The following CSMD1 variants were observed in gnomAD, a reference collection of about 807,000 sequenced individuals.
CSMD1 encodes CUB and Sushi multiple domains 1.
CSMD1 carries 213 observed loss-of-function variants against 417.5 expected under a neutral mutation model. That is an observed-to-expected ratio of 0.51 (90% CI 0.46 to 0.57). The LOEUF is 0.57. CSMD1 is among the 20% of genes least tolerant of loss of function. The probability of loss-of-function intolerance (pLI) is 0.00; values close to 1 mark genes in which losing one functional copy is unlikely to be tolerated. For missense variants in CSMD1, 6,923 were observed against 4,529.7 expected (o/e 1.53, Z -15.17); for synonymous variants, 2,862 against 1,736.8 (o/e 1.65, Z -16.11).
At chr8:3,781,478 G>T (rs1035284879) in intron 5 of CSMD1, among the ~76,000 whole-genome samples, 7 of 146,328 alleles carry the variant, frequency 4.8e-5, no homozygotes, top group African/African-American at 8.0e-5. Context: ...GCTGCTGATA[G>T]TTGCACCACG....
intron 50 of CSMD1, among the ~76,000 whole-genome samples, chr8:3,047,910 C>T (rs530126100): frequency 2.6e-5 from 4 of 152,250 alleles, no homozygotes; most frequent in Admixed American, 1.3e-4. Flanking sequence ...CTGTTTATGC[C>T]GTGAAGGCAT....
intron 5 of CSMD1, among the ~76,000 whole-genome samples, chr8:3,839,539 T>A (rs1014821726): frequency 2.3e-5 from 3 of 127,860 alleles, no homozygotes; most frequent in Non-Finnish European, 4.8e-5. Context: ...GTTAAGATTT[T>A]ATATATTATA....
chr8:4,200,533 A>G (rs964348154), intron 3 of CSMD1, among the ~76,000 whole-genome samples: 2 of 152,184 alleles, frequency 1.3e-5, no homozygotes, highest in African/African-American at 2.4e-5. Flanking sequence ...ATGTATATTA[A>G]TATAAATGCC....
chr8:3,017,740 G>A (rs1326693635), intron 52 of CSMD1, among the ~76,000 whole-genome samples: 1 of 141,542 alleles, frequency 7.1e-6, no homozygotes, highest in Non-Finnish European at 1.5e-5. Context: ...CTTAGTTCCT[G>A]AAGTGATCTT....
intron 7 of CSMD1, among the ~76,000 whole-genome samples, chr8:3,628,389 C>G (rs1796598271): frequency 1.3e-5 from 2 of 152,200 alleles, no homozygotes; most frequent in African/African-American, 4.8e-5. Flanking sequence ...GAGCACAGGC[C>G]CGTAGTCATG....
chr8:3,358,191 C>G (rs1432609399), intron 21 of CSMD1, among the ~76,000 whole-genome samples: 2 of 152,172 alleles, frequency 1.3e-5, no homozygotes, highest in Admixed American at 1.3e-4. Context: ...AGTTCGTTAA[C>G]TGGTGAAATT....
chr8:3,173,270 A>G (rs1455458209), intron 37 of CSMD1, among the ~76,000 whole-genome samples: 2 of 152,148 alleles, frequency 1.3e-5, no homozygotes, highest in Non-Finnish European at 2.9e-5. Flanking sequence ...GAATGCCTAA[A>G]GTAATATTGT....
At chr8:4,748,372 C>A (rs1406233035) in intron 1 of CSMD1, among the ~76,000 whole-genome samples, 1 of 152,162 alleles carries the variant, frequency 6.6e-6, no homozygotes, top group Non-Finnish European at 1.5e-5. Flanking sequence ...TGGTTTTCTG[C>A]TCCTTTGAAT....
At chr8:4,822,227 T>C (rs147096418) in intron 1 of CSMD1, among the ~76,000 whole-genome samples, 1 of 152,118 alleles carries the variant, frequency 6.6e-6, no homozygotes, top group African/African-American at 2.4e-5. Context: ...GGTTTGCAAC[T>C]TACTTTCACC....
chr8:4,906,915 G>A lies in CSMD1; in HGVS notation c.85+87417C>T, dbSNP rs191805853. ...CACAATGTGAGTAAATGTGGAAACT[G>A]ACTATATTAGTAGGTATTTTCCTAT... is the stretch of plus-strand genomic sequence containing the variant. On this transcript the variant is annotated intron_variant, in intron 1 of 69. Transcript: ENST00000635120. Among the ~76,000 whole-genome samples, 1,193 of 152,250 alleles carry A rather than the reference G, an allele frequency of 7.8e-3. 14 individuals are homozygous for A. The highest frequency in any genetic ancestry group is 0.024 in the African/African-American group (1,004 of 41,526).
chr8:3,514,583 A>C (rs1045458386), intron 10 of CSMD1, among the ~76,000 whole-genome samples: 1 of 152,174 alleles, frequency 6.6e-6, no homozygotes, highest in African/African-American at 2.4e-5. Flanking sequence ...CCTAAATTCT[A>C]TATTTAAGTG....
chr8:3,106,742 G>T, intron 45 of CSMD1, 101 bp from the exon 46 acceptor site: 3 of 558,116 alleles, frequency 5.4e-6, no homozygotes, highest in South Asian at 3.1e-5. Flanking sequence ...AAATCAACTT[G>T]CAAATCTTTT....
intron 3 of CSMD1, among the ~76,000 whole-genome samples, chr8:4,216,637 C>T (rs1252834119): frequency 6.6e-6 from 1 of 152,116 alleles, no homozygotes; most frequent in Non-Finnish European, 1.5e-5. Flanking sequence ...GGCCTCACAG[C>T]CCTGTGTTCT....
At chr8:3,322,826 T>G (rs1313222374) in intron 23 of CSMD1, among the ~76,000 whole-genome samples, 2 of 152,234 alleles carry the variant, frequency 1.3e-5, no homozygotes, top group Non-Finnish European at 2.9e-5. Context: ...ACAAAATCAT[T>G]TCCTTATTCT....
rs1442204989 is a variant in CSMD1 at position 3,369,312 on chromosome 8, T to C, written c.2841A>G (p.Pro947=). The C allele has an allele frequency of 1.2e-6, 2 of 1,608,948 alleles. No homozygotes were observed. Among genetic ancestry groups the C allele is most frequent in the African/African-American group, 2.7e-5 (2 of 74,788 alleles). The change falls in exon 19 of 70, where the codon CCA becomes CCG. Residue 947 remains proline (P), a synonymous_variant. Transcript: ENST00000635120. The stretch of plus-strand genomic sequence containing the variant: ...AGTTTAGAGAGTTTGGATAAAAATC[T>C]GGAAACCCAGGAGAAAGGACTGTTC... ...KSGTVLSPGF[P]DFYPNSLNCT...
chr8:4,215,493 T>C (rs964956455), intron 3 of CSMD1, among the ~76,000 whole-genome samples: 2 of 81,170 alleles, frequency 2.5e-5, no homozygotes, highest in East Asian at 7.6e-4. Flanking sequence ...CGGGGTTTTA[T>C]GAATACATAG....
intron 3 of CSMD1, among the ~76,000 whole-genome samples, chr8:4,119,302 T>C (rs1050862105): frequency 6.6e-6 from 1 of 152,098 alleles, no homozygotes; most frequent in African/African-American, 2.4e-5. Flanking sequence ...AATCTAAATG[T>C]CAACAGGCAA....
chr8:4,994,573 C>T lies in CSMD1; in HGVS notation c.-157G>A. 1.5e-6 allele frequency: 1 copy of T among 648,420 alleles called. No individual in the cohort carries two copies. The highest frequency in any genetic ancestry group is 2.7e-6 in the Non-Finnish European group (1 of 366,906). The allele number at this position is 648,420 out of a possible 1,614,324, so 40.2% of individuals were successfully genotyped here. ...ATCCGACGCCTCCTGAAGGTCTGGGCGCCCGGCTCGCTTCCCTCTCATAGC... is the reference window on the plus strand; with the variant it reads ...ATCCGACGCCTCCTGAAGGTCTGGGTGCCCGGCTCGCTTCCCTCTCATAGC... On this transcript the variant is annotated 5_prime_UTR_variant, in exon 1 of 70. Transcript: ENST00000635120.
At chr8:4,584,588 G>C (rs1021046766) in intron 2 of CSMD1, among the ~76,000 whole-genome samples, 2 of 152,112 alleles carry the variant, frequency 1.3e-5, no homozygotes, top group African/African-American at 2.4e-5. Flanking sequence ...TCTGGGCTGA[G>C]CCGAGGGTCT....
Sources: allele counts gnomAD v4.1 joint callset (sites outside exome capture counted in the v4.1 genomes callset), GRCh38; gene constraint gnomAD v4.1.1; transcripts MANE v1.5; gene names NCBI Gene and HGNC (gene_info 2026-07-23, HGNC 2026-07-21).